Variants in CACNB4 observed in about 807,000 individuals in gnomAD.
CACNB4 encodes calcium voltage-gated channel auxiliary subunit beta 4, also known as voltage-dependent L-type calcium channel subunit beta-4.
CACNB4 carries 32 observed loss-of-function variants against 71.2 expected under a neutral mutation model. That is an observed-to-expected ratio of 0.45 (90% CI 0.34 to 0.60). The LOEUF (loss-of-function observed/expected upper bound fraction) is 0.60, where lower values mean the gene tolerates loss of function less well. Ranked by LOEUF, CACNB4 falls within the 20% of genes least tolerant of loss-of-function variation. The pLI is 0.01. For missense variants in CACNB4, 464 were observed against 647.9 expected (o/e 0.72, Z 3.08); for synonymous variants, 231 against 236.9 (o/e 0.97, Z 0.23).
At chr2:151,872,759 C>T (rs1456703243) in intron 5 of CACNB4, 4 of 287,748 alleles carry the variant, frequency 1.4e-5, no homozygotes, top group Admixed American at 5.5e-5. Flanking sequence ...CCATCACTGA[C>T]GGGAATGGTC....
chr2:151,842,320 CTTTTTTTTT>C (rs35662354), intron 12 of CACNB4, among the ~76,000 whole-genome samples: 29 of 67,724 alleles, frequency 4.3e-4, no homozygotes, highest in African/African-American at 1.4e-3. Flanking sequence ...ATATTTGGAT[CTTTTTTTTT>C]TTTTTTTTTT....
At chr2:152,029,920 C>A (rs1453812693) in intron 2 of CACNB4, among the ~76,000 whole-genome samples, 3 of 152,180 alleles carry the variant, frequency 2.0e-5, no homozygotes, top group Non-Finnish European at 4.4e-5. Context: ...GAAATAAATT[C>A]CTGTTGTTTA....
At chr2:152,031,883 T>C (rs1200261298) in intron 2 of CACNB4, among the ~76,000 whole-genome samples, 2 of 152,192 alleles carry the variant, frequency 1.3e-5, no homozygotes, top group Non-Finnish European at 2.9e-5. Context: ...CTGTTGGCAT[T>C]AGGCTCTCTA....
intron 2 of CACNB4, among the ~76,000 whole-genome samples, chr2:152,078,927 G>A (rs1687188378): frequency 6.6e-6 from 1 of 152,182 alleles, no homozygotes; most frequent in South Asian, 2.1e-4. Context: ...TCACAAGCCA[G>A]TGTGTGGTCC....
intron 2 of CACNB4, among the ~76,000 whole-genome samples, chr2:151,939,373 C>T (rs1395704238): frequency 6.6e-6 from 1 of 152,142 alleles, no homozygotes; most frequent in Non-Finnish European, 1.5e-5. Flanking sequence ...AGGACAGTCA[C>T]CTACCATTGA....
intron 5 of CACNB4, among the ~76,000 whole-genome samples, chr2:151,876,156 C>T (rs1448947466): frequency 1.3e-5 from 2 of 151,966 alleles, no homozygotes; most frequent in South Asian, 2.1e-4. Flanking sequence ...AAAGAATGCC[C>T]GAAGTGACTC....
intron 2 of CACNB4, among the ~76,000 whole-genome samples, chr2:151,911,051 T>C (rs2099856048): frequency 6.6e-6 from 1 of 152,202 alleles, no homozygotes; most frequent in Non-Finnish European, 1.5e-5. Flanking sequence ...AGGTATTTTA[T>C]TCTCTTTGCA....
chr2:152,024,992 G>T (rs988268102), intron 2 of CACNB4, among the ~76,000 whole-genome samples: 1 of 152,184 alleles, frequency 6.6e-6, no homozygotes, highest in Non-Finnish European at 1.5e-5. Context: ...GGAGGCAGGG[G>T]TTGCAGTGAG....
chr2:151,879,149 A>G (rs949317936), intron 4 of CACNB4, among the ~76,000 whole-genome samples: 1 of 152,234 alleles, frequency 6.6e-6, no homozygotes, highest in African/African-American at 2.4e-5. Context: ...ACCATGAGTC[A>G]TAGTTTCCTA....
At chr2:151,948,741 T>C (rs2099866182) in intron 2 of CACNB4, among the ~76,000 whole-genome samples, 1 of 152,130 alleles carries the variant, frequency 6.6e-6, no homozygotes, top group Non-Finnish European at 1.5e-5. Context: ...CCTTGGGTAT[T>C]TTGAAACTAC....
At chr2:151,959,420 C>T (rs1246327756) in intron 2 of CACNB4, among the ~76,000 whole-genome samples, 1 of 152,206 alleles carries the variant, frequency 6.6e-6, no homozygotes, top group African/African-American at 2.4e-5. Context: ...TTCCCCCAAC[C>T]TCCTCAAGAC....
At chr2:152,040,242 A>T (rs908318816) in intron 2 of CACNB4, among the ~76,000 whole-genome samples, 1 of 152,066 alleles carries the variant, frequency 6.6e-6, no homozygotes, top group Non-Finnish European at 1.5e-5. Flanking sequence ...CTCCTATCTC[A>T]CAGTATTTAA....
At chr2:151,965,770 C>A (rs992999433) in intron 2 of CACNB4, among the ~76,000 whole-genome samples, 4 of 151,802 alleles carry the variant, frequency 2.6e-5, no homozygotes, top group African/African-American at 9.7e-5. Context: ...TCAAGTGTTT[C>A]CAAGCTCAAA....
intron 2 of CACNB4, among the ~76,000 whole-genome samples, chr2:152,018,555 C>A (rs1199579074): frequency 6.6e-6 from 1 of 152,118 alleles, no homozygotes; most frequent in Admixed American, 6.5e-5. Flanking sequence ...GCAGTCCCAG[C>A]ACTTTGGGAA....
At chr2:152,078,910 CAG>C (rs1374029187) in intron 2 of CACNB4, among the ~76,000 whole-genome samples, 1 of 152,148 alleles carries the variant, frequency 6.6e-6, no homozygotes, top group Non-Finnish European at 1.5e-5. Flanking sequence ...TAGACCCAGG[CAG>C]AGTTTCACAA....
chr2:151,981,263 A>G (rs2099874674), intron 2 of CACNB4, among the ~76,000 whole-genome samples: 1 of 152,218 alleles, frequency 6.6e-6, no homozygotes, highest in African/African-American at 2.4e-5. Context: ...AAGATCCTCA[A>G]CAAATATTGG....
At chr2:151,993,151 GT>G (rs34066188) in intron 2 of CACNB4, among the ~76,000 whole-genome samples, 76,363 of 145,066 alleles carry the variant, frequency 0.53, 20,924 homozygotes, top group Non-Finnish European at 0.64. Context: ...CACGTTTTTT[GT>G]TTTTTTTTTT....
intron 2 of CACNB4, chr2:151,973,636 G>C (rs761995705): frequency 1.5e-5 from 24 of 1,597,270 alleles, no homozygotes; most frequent in Middle Eastern, 1.7e-4. Context: ...AAGAGGAGGG[G>C]AGAGGGAATT....
rs1688390934 is a variant in CACNB4, at chr2:152,098,276, C to G, written c.147+54G>C. The G allele has an allele frequency of 4.8e-6, 7 of 1,450,998 alleles. No homozygotes were observed. The highest frequency in any genetic ancestry group is 6.8e-6 in the Non-Finnish European group (7 of 1,032,776). The allele number at this position is 1,450,998 out of a possible 1,614,324, so 89.9% of individuals were successfully genotyped here. A position where few individuals can be genotyped will look rare whatever the true frequency, so the allele number is the denominator to read the frequency against. On this transcript the variant is annotated intron_variant, in intron 2 of 13. Transcript: ENST00000539935. The surrounding 1 kb of genome is among the most constrained non-coding windows in gnomAD (Gnocchi z 5.3). ...GGGCCACGGCCGGCTCCAGGACCCC[C>G]GCGCCGCGCGCTCGGCCTCCTCCCC...
Sources: allele counts gnomAD v4.1 joint callset (sites outside exome capture counted in the v4.1 genomes callset), GRCh38; gene constraint gnomAD v4.1.1; non-coding constraint Gnocchi (gnomAD v3.1); transcripts MANE v1.5; gene names NCBI Gene and HGNC (gene_info 2026-07-23, HGNC 2026-07-21).